AFAP1L2: variants seen among roughly 807,000 people sequenced by gnomAD.
AFAP1L2 encodes actin filament associated protein 1 like 2.
AFAP1L2 carries 46 observed loss-of-function variants against 99.3 expected under a neutral mutation model. The ratio of observed to expected loss-of-function variants is 0.46; its 90% confidence interval spans 0.37 to 0.59. The LOEUF is 0.59. AFAP1L2 is among the 20% of genes least tolerant of loss of function. AFAP1L2 has a pLI of 0.00. For missense variants in AFAP1L2, 959 were observed against 1,034.9 expected (o/e 0.93, Z 1.01); for synonymous variants, 397 against 419.1 (o/e 0.95, Z 0.64).
At chr10:114,339,941 G>A (rs1415662839) in intron 2 of AFAP1L2, among the ~76,000 whole-genome samples, 1 of 151,232 alleles carries the variant, frequency 6.6e-6, no homozygotes, top group Non-Finnish European at 1.5e-5. Context: ...AACCTGGGAG[G>A]TGGAGGTTGC....
intron 1 of AFAP1L2, among the ~76,000 whole-genome samples, chr10:114,380,022 G>A (rs1378411981): frequency 6.6e-6 from 1 of 152,176 alleles, no homozygotes; most frequent in Non-Finnish European, 1.5e-5. Flanking sequence ...TCCCTTCCAG[G>A]GATCTTGAGT....
At chr10:114,287,789 C>G in the AFAP1L2 span, among the ~76,000 whole-genome samples, 2 of 152,138 alleles carry the variant, frequency 1.3e-5, no homozygotes, top group African/African-American at 4.8e-5. Flanking sequence ...CTATTAACAC[C>G]TTGCATTAGT....
Position 114,310,455 on chromosome 10 carries a change from G to C in AFAP1L2, c.793-12C>G. The stretch of plus-strand genomic sequence containing the variant: ...ACTTCCTGGATGACCTGAGGCAAGA[G>C]GGAAGCCGTCAGCAGAGGCTGAGGT... On this transcript the variant is annotated splice_polypyrimidine_tract_variant and intron_variant, in intron 7 of 18. Transcript: ENST00000304129. The C allele has an allele frequency of 6.2e-7, 1 of 1,611,882 alleles. No individual in the cohort carries two copies. The highest frequency in any genetic ancestry group is 8.5e-7 in the Non-Finnish European group (1 of 1,179,106).
intron 4 of AFAP1L2, among the ~76,000 whole-genome samples, chr10:114,330,578 T>TAAATAAGCCCATC (rs2047090914): frequency 6.6e-6 from 1 of 152,220 alleles, no homozygotes; most frequent in South Asian, 2.1e-4. Context: ...CTTAGCCCAT[T>TAAATAAGCCCATC]AAATAAGCCC....
chr10:114,325,260 A>T (rs2046078460), intron 4 of AFAP1L2, among the ~76,000 whole-genome samples: 1 of 152,244 alleles, frequency 6.6e-6, no homozygotes, highest in Non-Finnish European at 1.5e-5. Context: ...GGCCCATATT[A>T]AATACAAGGA....
At position 114,332,776 on chromosome 10, in the gene AFAP1L2, G is replaced by A. The variant is rs549250906; in HGVS notation, c.220+445C>T. On this transcript the variant is annotated intron_variant, in intron 3 of 18. Coordinates refer to ENST00000304129, the MANE Select transcript of AFAP1L2 (RefSeq NM_001001936.3). Reference sequence around the variant, plus strand: ...ATGTCCTTCCCATGGGAGACTAAACGTTCCGCCAAAGTCAGCACCTTTGAA... The same window carrying A: ...ATGTCCTTCCCATGGGAGACTAAACATTCCGCCAAAGTCAGCACCTTTGAA... Among the ~76,000 whole-genome samples the A allele has an allele frequency of 9.8e-5, 15 of 152,326 alleles. 1 individual carries two copies. Among genetic ancestry groups the A allele is most frequent in the Non-Finnish European group, 1.9e-4 (13 of 68,040 alleles).
chr10:114,327,550 C>A (rs1347659724), intron 4 of AFAP1L2, among the ~76,000 whole-genome samples: 2 of 152,002 alleles, frequency 1.3e-5, no homozygotes, highest in Admixed American at 6.6e-5. Flanking sequence ...ATTGACCAGA[C>A]CAGAGGTCCA....
chr10:114,340,738 A>T lies in AFAP1L2; in HGVS notation c.17-7T>A, dbSNP rs200438904. On this transcript the variant is annotated splice_polypyrimidine_tract_variant and splice_region_variant and intron_variant, in intron 1 of 18. Coordinates refer to ENST00000304129, the MANE Select transcript of AFAP1L2 (RefSeq NM_001001936.3). ...GTCAGCAGCTGTTCCAGGGCTAGGG[A>T]CAGGAAACAGAAGAAACTTATAGTG... The T allele has an allele frequency of 3.1e-6, 5 of 1,614,144 alleles. No individual in the cohort carries two copies. The highest frequency in any genetic ancestry group is 3.3e-5 in the Admixed American group (2 of 60,024).
At chr10:114,338,147 T>C (rs1020131569) in intron 2 of AFAP1L2, among the ~76,000 whole-genome samples, 6 of 152,202 alleles carry the variant, frequency 3.9e-5, no homozygotes, top group African/African-American at 7.2e-5. Context: ...ATTCAGAGAA[T>C]AGAAACTAGT....
At chr10:114,369,078 T>C (rs1253661388) in intron 1 of AFAP1L2, among the ~76,000 whole-genome samples, 1 of 152,196 alleles carries the variant, frequency 6.6e-6, no homozygotes, top group Non-Finnish European at 1.5e-5. Flanking sequence ...AATCCAATTA[T>C]GAGATTTTTT....
Position 114,297,389 on chromosome 10 carries a change from T to C in AFAP1L2, c.2138A>G (p.Glu713Gly). The C allele has an allele frequency of 6.2e-7, 1 of 1,613,132 alleles. No individual in the cohort carries two copies. Among genetic ancestry groups the C allele is most frequent in the Non-Finnish European group, 8.5e-7 (1 of 1,179,952 alleles). Residue 713 changes from glutamate (E) to glycine (G), a missense_variant, in exon 17 of 19, where the codon GAG (glutamate) becomes GGG (glycine). Physicochemically the swap from Glu to Gly is moderately conservative, Grantham distance 98. Around this residue, in one of 2 missense-constraint regions of AFAP1L2, gnomAD observed 576 missense variants for 562.1 expected, o/e 1.02. Transcript: ENST00000304129. ...CTCGTCAATTTCCTTCAGCTTCTGCTCCAGGCTCGCCAGGACTTCCTTGTC... is the reference window on the plus strand; with the variant it reads ...CTCGTCAATTTCCTTCAGCTTCTGCCCCAGGCTCGCCAGGACTTCCTTGTC... ...CTDKEVLASL[E>G]QKLKEIDEEC... is the part of the protein sequence containing the mutation.
chr10:114,355,988 A>G (rs897955574), intron 1 of AFAP1L2, among the ~76,000 whole-genome samples: 2 of 152,100 alleles, frequency 1.3e-5, no homozygotes, highest in Non-Finnish European at 2.9e-5. Flanking sequence ...AGATTGTTTC[A>G]GGTGTATGTG....
rs532725412 is a variant in AFAP1L2, at chr10:114,328,303, AT to A, written c.315+3499del. 2.1e-3 allele frequency among the ~76,000 whole-genome samples: 323 copies of A among 152,264 alleles called. 2 individuals are homozygous for A. The highest frequency in any genetic ancestry group is 7.3e-3 in the African/African-American group (305 of 41,546). On this transcript the variant is annotated intron_variant, in intron 4 of 18. Coordinates refer to ENST00000304129, the MANE Select transcript of AFAP1L2 (RefSeq NM_001001936.3). ...ATCCCGAGCCTGTGACCGAGGCATG[AT>A]CCTGGCCCAGCCATAGGCCCTGAGG...
At position 114,301,380 on chromosome 10, in the gene AFAP1L2, C is replaced by T. The variant is rs369541262; in HGVS notation, c.1516G>A (p.Val506Met). The T allele has an allele frequency of 4.3e-6, 7 of 1,614,074 alleles. No individual in the cohort carries two copies. The highest frequency in any genetic ancestry group is 2.7e-5 in the African/African-American group (2 of 74,958). Reference sequence around the variant, plus strand: ...GCAGCTGTGAGCTCTGACAGGTCCACGTCGTCATACAGCTCCTCCTGGCGG... The same window carrying T: ...GCAGCTGTGAGCTCTGACAGGTCCATGTCGTCATACAGCTCCTCCTGGCGG... Reference protein sequence around the residue: ...QDRQEELYDDVDLSELTAAVE... With the variant: ...QDRQEELYDDMDLSELTAAVE... Residue 506 changes from valine (V) to methionine (M), a missense_variant, in exon 13 of 19, where the codon GTG becomes ATG. By Grantham distance (21) the Val-to-Met change is conservative. Transcript: ENST00000304129.
chr10:114,360,509 T>TAGTTAGA (rs61366681), intron 1 of AFAP1L2, among the ~76,000 whole-genome samples: 11,888 of 106,730 alleles, frequency 0.11, 607 homozygotes, highest in Middle Eastern at 0.19. Flanking sequence ...AGATAGATAG[T>TAGTTAGA]TAGATAGATA....
chr10:114,302,052 G>C, intron 12 of AFAP1L2: 1 of 400,716 alleles, frequency 2.5e-6, no homozygotes, highest in Admixed American at 3.8e-5. Context: ...TAGGAGGTCA[G>C]GAAAGGTGAC....
chr10:114,357,585 T>C (rs981780092), intron 1 of AFAP1L2, among the ~76,000 whole-genome samples: 3 of 152,186 alleles, frequency 2.0e-5, no homozygotes, highest in African/African-American at 7.2e-5. Context: ...TTGAAAGCAG[T>C]AGTGAGTATC....
Position 114,302,476 on chromosome 10 carries a change from A to G in AFAP1L2, c.1293T>C (p.Ser431=), listed in dbSNP as rs1324781015. The G allele has an allele frequency of 6.2e-7, 1 of 1,614,046 alleles. No homozygotes were observed. The highest frequency in any genetic ancestry group is 8.5e-7 in the Non-Finnish European group (1 of 1,180,014). Residue 431 remains serine, a synonymous_variant, in exon 12 of 19, where the codon TCT becomes TCC. Coordinates refer to ENST00000304129, the MANE Select transcript of AFAP1L2 (RefSeq NM_001001936.3). ...GEELAKLEAK[S]SEEMGHWLGL... is the part of the protein sequence containing the mutation. ...CCAGCCAGTGGCCCATTTCCTCGGA[A>G]GACTTGGCCTGGAACGAGGCCAAGA...
At chr10:114,389,455 G>A (rs2056885664) in intron 1 of AFAP1L2, among the ~76,000 whole-genome samples, 1 of 152,184 alleles carries the variant, frequency 6.6e-6, no homozygotes, top group Non-Finnish European at 1.5e-5. Flanking sequence ...CTAGCTCAGA[G>A]TCTAGCGATC....
Sources: gnomAD v4.1 joint callset for allele counts (sites outside exome capture counted in the v4.1 genomes callset) on GRCh38, gnomAD v4.1.1 for gene constraint, gnomAD v4.1.1 regional missense constraint, MANE v1.5 for transcripts, NCBI Gene and HGNC (gene_info 2026-07-23, HGNC 2026-07-21) for gene names.